PCDH17: variants seen among roughly 807,000 people sequenced by gnomAD.
PCDH17 encodes protocadherin 17.
A neutral mutation model predicts 67.7 loss-of-function variants in PCDH17; 21 were observed. The ratio of observed to expected loss-of-function variants is 0.31; its 90% CI spans 0.22 to 0.45. PCDH17 has a LOEUF of 0.45. PCDH17 is among the 20% of genes least tolerant of loss of function. PCDH17 has a pLI of 1.00. For missense variants in PCDH17, 1,471 were observed against 1,564.8 expected, an observed-to-expected ratio of 0.94 and a Z score of 1.01; for synonymous variants, 701 against 656.7, an observed-to-expected ratio of 1.07 and a Z score of -1.03.
intron 1 of PCDH17, among the ~76,000 whole-genome samples, chr13:57,644,732 G>T (rs573711287): frequency 6.6e-6 from 1 of 151,512 alleles, no homozygotes; most frequent in Non-Finnish European, 1.5e-5. Flanking sequence ...CAGTTTTTCC[G>T]TAGTAAATCT....
At chr13:57,669,409 C>G (rs1955294103) in intron 3 of PCDH17, among the ~76,000 whole-genome samples, 1 of 151,878 alleles carries the variant, frequency 6.6e-6, no homozygotes, top group Admixed American at 6.6e-5. Flanking sequence ...TTTGCTTTCT[C>G]TCCTCTCATC....
At chr13:57,639,634 T>A (rs1189963793) in intron 1 of PCDH17, among the ~76,000 whole-genome samples, 3 of 151,956 alleles carry the variant, frequency 2.0e-5, no homozygotes, top group Non-Finnish European at 4.4e-5. Context: ...TGTATTGAGA[T>A]TATAATCCTT....
At chr13:57,688,739 C>G (rs1309588791) in intron 3 of PCDH17, among the ~76,000 whole-genome samples, 3 of 152,008 alleles carry the variant, frequency 2.0e-5, no homozygotes, top group Non-Finnish European at 4.4e-5. Flanking sequence ...AGTATTGACT[C>G]AGTAATAATA....
intron 3 of PCDH17, among the ~76,000 whole-genome samples, chr13:57,694,343 CT>C (rs1360003555): frequency 6.6e-6 from 1 of 151,168 alleles, no homozygotes; most frequent in Non-Finnish European, 1.5e-5. Context: ...ACCTTGCATA[CT>C]TACCATAAAG....
In PCDH17 at chr13:57,632,267, C is replaced by A. The variant is rs2059879609; in HGVS notation, c.-280C>A. 2.0e-6 allele frequency: 1 copy of A among 497,848 alleles called. No individual in the cohort carries two copies. Among genetic ancestry groups the A allele is most frequent in the South Asian group, 2.7e-5 (1 of 36,380 alleles). The allele number at this position is 497,848 out of a possible 1,614,324, so 30.8% of individuals were successfully genotyped here. A position where few individuals can be genotyped will look rare whatever the true frequency, so the allele number is the denominator to read the frequency against. On this transcript the variant is annotated 5_prime_UTR_variant, in exon 1 of 4. Transcript: ENST00000377918. Reference sequence around the variant, plus strand: ...GAGAGACGAAACCCCTGGCTCACCCCCAGCCGCAGGAAGCCACCGCCTTGC... The same window carrying A: ...GAGAGACGAAACCCCTGGCTCACCCACAGCCGCAGGAAGCCACCGCCTTGC...
At chr13:57,650,571 T>G (rs975596826) in intron 1 of PCDH17, among the ~76,000 whole-genome samples, 2 of 152,190 alleles carry the variant, frequency 1.3e-5, no homozygotes, top group Admixed American at 1.3e-4. Context: ...TTAAAATAAT[T>G]TCAAGTTGTT....
intron 3 of PCDH17, among the ~76,000 whole-genome samples, chr13:57,713,542 G>A (rs956327140): frequency 2.0e-5 from 3 of 151,668 alleles, no homozygotes; most frequent in Admixed American, 6.6e-5. Context: ...CAGCAGCTTA[G>A]TGGTAGGGGT....
intron 3 of PCDH17, among the ~76,000 whole-genome samples, chr13:57,681,205 ACT>A (rs1195395046): frequency 6.6e-6 from 1 of 151,384 alleles, no homozygotes; most frequent in Admixed American, 6.6e-5. Context: ...TTAAACTTCC[ACT>A]CTCATCCCTT....
At chr13:57,678,996 G>A (rs1299365778) in intron 3 of PCDH17, among the ~76,000 whole-genome samples, 1 of 151,398 alleles carries the variant, frequency 6.6e-6, no homozygotes, top group African/African-American at 2.4e-5. Flanking sequence ...TTCTGTGACA[G>A]TATCCATAAT....
At position 57,727,350 on chromosome 13, in the gene PCDH17, A is replaced by T. The variant is rs1955922810; in HGVS notation, c.*2056A>T. 6.6e-6 allele frequency: 1 copy of T among 152,648 alleles called. No homozygotes were observed. The highest frequency in any genetic ancestry group is 2.1e-4 in the South Asian group (1 of 4,834). The allele number at this position is 152,648 out of a possible 1,614,324, so 9.5% of individuals were successfully genotyped here. A position where few individuals can be genotyped will look rare whatever the true frequency, so the allele number is the denominator to read the frequency against. On this transcript the variant is annotated 3_prime_UTR_variant, in exon 4 of 4. Transcript: ENST00000377918. ...GCCACCAAGCCAGTGTAGAAACAGCAAAAATGTCATAAAAATTCTTATATT... is the reference window on the plus strand; with the variant it reads ...GCCACCAAGCCAGTGTAGAAACAGCTAAAATGTCATAAAAATTCTTATATT...
intron 3 of PCDH17, among the ~76,000 whole-genome samples, chr13:57,716,714 A>T (rs2138096423): frequency 6.6e-6 from 1 of 151,950 alleles, no homozygotes; most frequent in Middle Eastern, 3.4e-3. Flanking sequence ...CAAAGTTTAA[A>T]CTCATCGGTA....
intron 3 of PCDH17, among the ~76,000 whole-genome samples, chr13:57,672,401 G>A (rs1955333617): frequency 6.6e-6 from 1 of 151,970 alleles, no homozygotes; most frequent in Non-Finnish European, 1.5e-5. Flanking sequence ...GAGGCTCTGA[G>A]TTTCACTCCC....
Position 57,634,014 on chromosome 13 carries a change from T to TAGG in PCDH17, c.1469_1470insGGA (p.Tyr490delinsTer). The TAGG allele has an allele frequency of 6.2e-7, 1 of 1,612,690 alleles. No individual in the cohort carries two copies. The highest frequency in any genetic ancestry group is 8.5e-7 in the Non-Finnish European group (1 of 1,179,814). On this transcript the variant is annotated stop_gained, in exon 1 of 4. Transcript: ENST00000377918. LOFTEE classifies it high-confidence loss of function. The surrounding 1 kb of genome is among the most constrained non-coding windows in gnomAD (Gnocchi z 7.8). ...GCACGAGAACAACATCCCGGGAGAG[T>TAGG]ACCTGGGCTCTGTGCTCGCCCAGGA...
At chr13:57,646,676 T>C (rs118069706) in intron 1 of PCDH17, among the ~76,000 whole-genome samples, 4,273 of 151,752 alleles carry the variant, frequency 0.028, 94 homozygotes, top group Non-Finnish European at 0.047. Context: ...TTTAAAAATG[T>C]TTAGAATTCA....
rs1382195625 is a variant in PCDH17 at position 57,728,303 on chromosome 13, G to A, written c.*3009G>A. ...GCATGAGCAAACAGTGAGATTTGAA[G>A]GGGTTTTAACATAATTTAGAATGTG... On this transcript the variant is annotated 3_prime_UTR_variant, in exon 4 of 4. Coordinates refer to ENST00000377918, the MANE Select transcript of PCDH17 (RefSeq NM_001040429.3). 1 of 152,324 alleles carries A rather than the reference G, an allele frequency of 6.6e-6. No homozygotes were observed. Among genetic ancestry groups the A allele is most frequent in the Admixed American group, 6.6e-5 (1 of 15,236 alleles). 9.4% of individuals were successfully genotyped at this position (152,324 alleles called of 1,614,324 possible). A position where few individuals can be genotyped will look rare whatever the true frequency, so the allele number is the denominator to read the frequency against.
intron 1 of PCDH17, among the ~76,000 whole-genome samples, chr13:57,657,652 T>C (rs1253475710): frequency 6.6e-6 from 1 of 152,224 alleles, no homozygotes; most frequent in Non-Finnish European, 1.5e-5. Flanking sequence ...TTGTTATCAA[T>C]GTGAAAAGCA....
At position 57,725,426 on chromosome 13, in the gene PCDH17, C is replaced by T; in HGVS notation, c.*132C>T. 1 of 723,202 alleles carries T rather than the reference C, an allele frequency of 1.4e-6. No homozygotes were observed. The allele number at this position is 723,202 out of a possible 1,614,324, so 44.8% of individuals were successfully genotyped here. On this transcript the variant is annotated 3_prime_UTR_variant, in exon 4 of 4. Transcript: ENST00000377918. ...CTGCTTTAAGGCTTTTAGTGAACAT[C>T]TGAAGTGCCCACAAGTATGTTCTTT...
chr13:57,633,740 C>T lies in PCDH17; in HGVS notation c.1194C>T (p.Gly398=). Residue 398 remains glycine, a synonymous_variant, in exon 1 of 4, where the codon GGC becomes GGT. Transcript: ENST00000377918. The surrounding 1 kb of genome is among the most constrained non-coding windows in gnomAD (Gnocchi z 6.2). ...GGGTCCTAGGCGGAGGAGGGACGGG[C>T]GGCGGCGGGGGCCTGGGCGGGCCCG... ...QCRVLGGGGT[G]GGGGLGGPGG... is the part of the protein sequence containing the mutation. 6.9e-7 allele frequency: 1 copy of T among 1,456,482 alleles called. No homozygotes were observed. The highest frequency in any genetic ancestry group is 2.4e-5 in the East Asian group (1 of 41,696). The allele number at this position is 1,456,482 out of a possible 1,614,324, so 90.2% of individuals were successfully genotyped here.
upstream of PCDH17, among the ~76,000 whole-genome samples, chr13:57,630,115 A>C (rs566897585): frequency 1.2e-4 from 19 of 152,222 alleles, no homozygotes; most frequent in Non-Finnish European, 2.5e-4. Context: ...GTCAGTCAGC[A>C]AGAGACGCTG....
Sources: allele counts gnomAD v4.1 joint callset (sites outside exome capture counted in the v4.1 genomes callset), GRCh38; gene constraint gnomAD v4.1.1; non-coding constraint Gnocchi (gnomAD v3.1); transcripts MANE v1.5; gene names NCBI Gene and HGNC (gene_info 2026-07-23, HGNC 2026-07-21).